The following CREB3L1 variants were observed in gnomAD, a reference collection of about 807,000 sequenced individuals.
CREB3L1 encodes the protein cyclic AMP-responsive element-binding protein 3-like protein 1.
A neutral mutation model predicts 54.5 loss-of-function variants in CREB3L1; 33 were observed. That is an observed-to-expected ratio of 0.61 (90% confidence interval 0.46 to 0.81). The LOEUF (loss-of-function observed/expected upper bound fraction) is 0.81, where lower values mean the gene tolerates loss of function less well. Ranked by LOEUF, CREB3L1 falls within the 30% of genes least tolerant of loss-of-function variation. The pLI is 0.00. For synonymous variants in CREB3L1, 284 were observed against 286.4 expected (o/e 0.99, Z 0.08); for missense variants, 656 against 673.3 (o/e 0.97, Z 0.29).
At chr11:46,283,943 GA>G (rs1377578343) in intron 1 of CREB3L1, among the ~76,000 whole-genome samples, 2 of 152,150 alleles carry the variant, frequency 1.3e-5, no homozygotes, top group Non-Finnish European at 2.9e-5. Context: ...GGGTTTTCAG[GA>G]TCCTGGACTG....
intron 2 of CREB3L1, among the ~76,000 whole-genome samples, chr11:46,303,751 G>C (rs775163979): frequency 7.0e-6 from 1 of 142,530 alleles, no homozygotes; most frequent in Non-Finnish European, 1.5e-5. Flanking sequence ...CTATAATCCC[G>C]GCACTTTGGG....
chr11:46,290,963 C>T (rs1004809809), intron 1 of CREB3L1, among the ~76,000 whole-genome samples: 3 of 152,160 alleles, frequency 2.0e-5, no homozygotes, highest in African/African-American at 2.4e-5. Context: ...GGCCTGGGGG[C>T]CACTTGGGGC....
intron 1 of CREB3L1, among the ~76,000 whole-genome samples, chr11:46,292,853 C>T (rs1939149608): frequency 6.6e-6 from 1 of 152,018 alleles, no homozygotes; most frequent in Non-Finnish European, 1.5e-5. Context: ...AACTCTTGGC[C>T]TCAAGCAATC....
At chr11:46,299,316 A>G (rs1047075801) in intron 1 of CREB3L1, among the ~76,000 whole-genome samples, 1 of 152,134 alleles carries the variant, frequency 6.6e-6, no homozygotes, top group Non-Finnish European at 1.5e-5. Flanking sequence ...TAACCTCTCC[A>G]TATAAAGGAT....
rs372538713 is a variant in CREB3L1 at position 46,320,250 on chromosome 11, C to T, written c.1259-14C>T. 7.0e-6 allele frequency: 11 copies of T among 1,580,032 alleles called. No individual in the cohort carries two copies. The highest frequency in any genetic ancestry group is 4.6e-5 in the South Asian group (4 of 86,436). ...AATCTTGGGCACACCGCTCATCCTA[C>T]ACTCCCTCTCCAGTGCCCTCCCGAA... is the stretch of plus-strand genomic sequence containing the variant. On this transcript the variant is annotated splice_polypyrimidine_tract_variant and intron_variant, in intron 10 of 11. Coordinates refer to ENST00000621158, the MANE Select transcript of CREB3L1 (RefSeq NM_052854.4).
chr11:46,292,102 C>G (rs1288728588), intron 1 of CREB3L1, among the ~76,000 whole-genome samples: 1 of 152,196 alleles, frequency 6.6e-6, no homozygotes, highest in Non-Finnish European at 1.5e-5. Flanking sequence ...GACAGCAATT[C>G]CAGCACTGAG....
rs1263430220 is a variant in CREB3L1 at position 46,317,351 on chromosome 11, T to TGA, written c.1132-10_1132-9insGA. On this transcript the variant is annotated splice_polypyrimidine_tract_variant and intron_variant, in intron 9 of 11. Transcript: ENST00000621158. ...CCCCAGATCTGATGCCACTCTCTCTTTGCTACCAGGTGGCAGCCTTGTGCT... is the reference window on the plus strand; with the variant it reads ...CCCCAGATCTGATGCCACTCTCTCTTGATGCTACCAGGTGGCAGCCTTGTGCT... 1 of 1,613,912 alleles carries TGA rather than the reference T, an allele frequency of 6.2e-7. No homozygotes were observed. The highest frequency in any genetic ancestry group is 8.5e-7 in the Non-Finnish European group (1 of 1,179,842).
intron 2 of CREB3L1, among the ~76,000 whole-genome samples, chr11:46,305,690 A>G (rs61019152): frequency 0.014 from 1,552 of 111,572 alleles, 21 homozygotes; most frequent in African/African-American, 0.034. Flanking sequence ...GTGTGTATAT[A>G]TGTGTGTGTG....
chr11:46,317,946 G>A (rs1336053092), intron 10 of CREB3L1, among the ~76,000 whole-genome samples: 6 of 152,186 alleles, frequency 3.9e-5, no homozygotes, highest in South Asian at 2.1e-4. Flanking sequence ...GGCCGGGCGC[G>A]GTGGCTCATG....
rs754056730 is a variant in CREB3L1 at position 46,299,963 on chromosome 11, C to T, written c.131C>T (p.Thr44Met). Residue 44 changes from threonine (T) to methionine (M), a missense_variant, in exon 2 of 12, where the codon ACG (threonine) becomes ATG (methionine). Physicochemically the swap from Thr to Met is moderately conservative, Grantham distance 81. Around this residue, in one of 3 missense-constraint regions of CREB3L1, gnomAD observed 339 missense variants for 331.5 expected, o/e 1.02. Coordinates refer to ENST00000621158, the MANE Select transcript of CREB3L1 (RefSeq NM_052854.4). The part of the protein sequence containing the change: ...AHFPEHLDHF[T>M]ENMEDFSNDL... ...TTTCCTGAGCACCTGGACCACTTTACGGAGAACATGGAGGACTTCTCCAAT... is the reference window on the plus strand; with the variant it reads ...TTTCCTGAGCACCTGGACCACTTTATGGAGAACATGGAGGACTTCTCCAAT... 3.7e-6 allele frequency: 6 copies of T among 1,613,908 alleles called. No homozygotes were observed. Among genetic ancestry groups the T allele is most frequent in the Middle Eastern group, 1.6e-4 (1 of 6,062 alleles).
At chr11:46,305,639 CATATATAT>C (rs1939376476) in intron 2 of CREB3L1, among the ~76,000 whole-genome samples, 1 of 64,522 alleles carries the variant, frequency 1.5e-5, no homozygotes, top group African/African-American at 6.5e-5. Context: ...TATATATATA[CATATATAT>C]GTGTGTATAT....
At chr11:46,308,190 G>T (rs1256573026) in intron 3 of CREB3L1, among the ~76,000 whole-genome samples, 190 bp downstream of exon 3, 1 of 147,100 alleles carries the variant, frequency 6.8e-6, no homozygotes, top group African/African-American at 2.5e-5. Flanking sequence ...TCACCATACC[G>T]CAACGGGCAC....
intron 1 of CREB3L1, among the ~76,000 whole-genome samples, chr11:46,296,016 T>G (rs1448105521): frequency 6.6e-6 from 1 of 152,160 alleles, no homozygotes; most frequent in Non-Finnish European, 1.5e-5. Context: ...CTTCTCCGGC[T>G]TCCCACCCCC....
chr11:46,290,999 C>A (rs1939121925), intron 1 of CREB3L1, among the ~76,000 whole-genome samples: 1 of 152,150 alleles, frequency 6.6e-6, no homozygotes, highest in South Asian at 2.1e-4. Context: ...CTTCCCCAGA[C>A]CCCTGACCCT....
chr11:46,305,131 C>G (rs891138797), intron 2 of CREB3L1, among the ~76,000 whole-genome samples: 5 of 152,182 alleles, frequency 3.3e-5, no homozygotes, highest in Non-Finnish European at 7.3e-5. Flanking sequence ...CTCCCCTCCC[C>G]TCTCCCCTGT....
At chr11:46,294,473 T>C (rs1470074577) in intron 1 of CREB3L1, among the ~76,000 whole-genome samples, 1 of 152,146 alleles carries the variant, frequency 6.6e-6, no homozygotes, top group Non-Finnish European at 1.5e-5. Flanking sequence ...CAGACTGTAA[T>C]GGATGAGGAA....
chr11:46,302,742 G>GGA (rs1939321567), intron 2 of CREB3L1, among the ~76,000 whole-genome samples: 1 of 152,164 alleles, frequency 6.6e-6, no homozygotes. Flanking sequence ...CAGCACTTTG[G>GGA]GAGGCCAAGG....
Position 46,320,392 on chromosome 11 carries a change from C to A in CREB3L1, c.1387C>A (p.Pro463Thr), listed in dbSNP as rs771094568. ...INPGGPAEQRPRDHLQHDHLD... is the reference protein window; with the variant it reads ...INPGGPAEQRTRDHLQHDHLD... ...CCCCGGGGGGCCGGCAGAGCAGCGG[C>A]CCCGGGACCACCTGCAGCATGATCA... Residue 463 changes from proline to threonine, a missense_variant, in exon 11 of 12, where the codon CCC (proline) becomes ACC (threonine). Physicochemically the swap from Pro to Thr is conservative, Grantham distance 38 (BLOSUM62 -1). This residue lies in a region of CREB3L1 where 240 missense variants were observed against 219.8 expected (regional missense o/e 1.09). Coordinates refer to ENST00000621158, the MANE Select transcript of CREB3L1 (RefSeq NM_052854.4). The A allele has an allele frequency of 1.2e-6, 2 of 1,610,854 alleles. No homozygotes were observed. The highest frequency in any genetic ancestry group is 4.5e-5 in the East Asian group (2 of 44,748).
intron 1 of CREB3L1, among the ~76,000 whole-genome samples, chr11:46,294,971 T>C (rs1414405847): frequency 6.6e-6 from 1 of 151,026 alleles, no homozygotes; most frequent in Non-Finnish European, 1.5e-5. Context: ...GGCTCAGGAT[T>C]CCCCCCCACC....
Sources: allele counts gnomAD v4.1 joint callset (sites outside exome capture counted in the v4.1 genomes callset), GRCh38; gene constraint gnomAD v4.1.1; regional missense constraint gnomAD v4.1.1; transcripts MANE v1.5; gene names NCBI Gene and HGNC (gene_info 2026-07-23, HGNC 2026-07-21).